Variants in STK3 observed in about 807,000 individuals in gnomAD.
The protein encoded by STK3 is serine/threonine-protein kinase 3.
Under a neutral mutation model 58.0 loss-of-function variants are expected in STK3, and 41 were observed. That is an observed-to-expected ratio of 0.71 (90% CI 0.55 to 0.92). STK3 has a LOEUF of 0.92. Among genes scored for constraint, STK3 ranks in the 40% least tolerant of loss-of-function variants. The pLI, the probability that STK3 is intolerant of heterozygous loss-of-function variation, is 0.00. For missense variants in STK3, 479 were observed against 602.7 expected, an observed-to-expected ratio of 0.79 and a Z score of 2.15; for synonymous variants, 170 against 191.0, an observed-to-expected ratio of 0.89 and a Z score of 0.91.
intron 4 of STK3, among the ~76,000 whole-genome samples, chr8:98,732,241 G>T (rs1272618481): frequency 6.6e-6 from 1 of 152,106 alleles, no homozygotes; most frequent in Non-Finnish European, 1.5e-5. Flanking sequence ...CAAAGCTGAA[G>T]ACAGACAATT....
At chr8:98,714,685 A>G (rs990993839) in intron 4 of STK3, among the ~76,000 whole-genome samples, 16 of 152,236 alleles carry the variant, frequency 1.1e-4, no homozygotes, top group African/African-American at 3.9e-4. Flanking sequence ...AAGAATCAAT[A>G]TCGTGAAAAT....
At chr8:98,355,768 A>C in the STK3 span, among the ~76,000 whole-genome samples, 1 of 152,340 alleles carries the variant, frequency 6.6e-6, no homozygotes, top group South Asian at 2.1e-4. Flanking sequence ...GATGGATGTA[A>C]TACCCATCAA....
chr8:98,565,700 G>A (rs923227294), intron 8 of STK3, among the ~76,000 whole-genome samples: 11 of 152,116 alleles, frequency 7.2e-5, no homozygotes, highest in Admixed American at 2.6e-4. Context: ...ACAACAAAAT[G>A]TTGCATTTTG....
chr8:98,940,372 C>A (rs979338102), intron 1 of STK3, among the ~76,000 whole-genome samples: 4 of 152,196 alleles, frequency 2.6e-5, no homozygotes, highest in African/African-American at 9.6e-5. Context: ...CCGGGCTGGA[C>A]CTGGGCTCAA....
rs1819386797 is a variant in STK3, at chr8:98,454,974, T to A, written c.*868A>T. 1 of 152,326 alleles carries A rather than the reference T, an allele frequency of 6.6e-6. No homozygotes were observed. The highest frequency in any genetic ancestry group is 2.4e-5 in the African/African-American group (1 of 41,408). 9.4% of individuals were successfully genotyped at this position (152,326 alleles called of 1,614,324 possible). A position where few individuals can be genotyped will look rare whatever the true frequency, so the allele number is the denominator to read the frequency against. On this transcript the variant is annotated 3_prime_UTR_variant, in exon 11 of 11. Coordinates refer to ENST00000419617, the MANE Select transcript of STK3 (RefSeq NM_006281.4). ...TTTCATAGAAATGAAATTGATGAGC[T>A]TATTACAGTTTGAATCAGTTCAGCT...
At chr8:98,714,228 G>A (rs1826798822) in intron 4 of STK3, among the ~76,000 whole-genome samples, 1 of 152,202 alleles carries the variant, frequency 6.6e-6, no homozygotes, top group African/African-American at 2.4e-5. Flanking sequence ...ACAAGACAGG[G>A]ATGCCCTCTC....
chr8:98,631,610 C>T (rs1819240323), intron 6 of STK3, among the ~76,000 whole-genome samples: 1 of 152,104 alleles, frequency 6.6e-6, no homozygotes, highest in Admixed American at 6.6e-5. Context: ...TCCCTCTTAT[C>T]CTGCTTTTTC....
intron 8 of STK3, among the ~76,000 whole-genome samples, chr8:98,558,884 T>G (rs1311043464): frequency 6.6e-6 from 1 of 152,104 alleles, no homozygotes; most frequent in African/African-American, 2.4e-5. Context: ...TAAAATAATT[T>G]TAGAAAATTT....
At chr8:98,390,193 C>A (rs1221033702), upstream of STK3, among the ~76,000 whole-genome samples, 3 of 152,158 alleles carry the variant, frequency 2.0e-5, no homozygotes, top group African/African-American at 7.2e-5. Context: ...CTTAGCAATT[C>A]TTTTTGAGCA....
intron 2 of STK3, among the ~76,000 whole-genome samples, chr8:98,771,841 C>T (rs1056583597): frequency 2.0e-5 from 3 of 152,204 alleles, no homozygotes; most frequent in Non-Finnish European, 4.4e-5. Flanking sequence ...CCCACCTCGG[C>T]CTCCCAAAAT....
intron 6 of STK3, among the ~76,000 whole-genome samples, chr8:98,701,257 G>A (rs118095469): frequency 0.014 from 2,047 of 147,942 alleles, 24 homozygotes; most frequent in Non-Finnish European, 0.022. Context: ...AAGAGGGAAG[G>A]AAGGACGGAA....
intron 10 of STK3, among the ~76,000 whole-genome samples, chr8:98,513,521 G>A (rs1183812259): frequency 1.3e-5 from 2 of 152,180 alleles, no homozygotes; most frequent in African/African-American, 2.4e-5. Context: ...CTGCTGAAGT[G>A]TTCATAGATG....
intron 6 of STK3, chr8:98,597,927 G>A (rs1563787068): frequency 1.0e-6 from 1 of 985,024 alleles, no homozygotes; most frequent in Non-Finnish European, 1.2e-6. Context: ...CTCCACAGTT[G>A]AGGCAGAACC....
intron 10 of STK3, among the ~76,000 whole-genome samples, chr8:98,461,608 A>G (rs1336573727): frequency 6.6e-6 from 1 of 152,186 alleles, no homozygotes; most frequent in East Asian, 1.9e-4. Flanking sequence ...AAGAGGTTCT[A>G]TTCTGGTGCA....
intron 3 of STK3, among the ~76,000 whole-genome samples, chr8:98,855,644 G>GA (rs1836639734): frequency 6.6e-6 from 1 of 152,068 alleles, no homozygotes; most frequent in Admixed American, 6.6e-5. Context: ...AGCAACACAA[G>GA]AAAAAATAGA....
intron 3 of STK3, among the ~76,000 whole-genome samples, chr8:98,411,553 A>G (rs1818057664): frequency 6.6e-6 from 1 of 152,238 alleles, no homozygotes; most frequent in Non-Finnish European, 1.5e-5. Context: ...CATCATTAAC[A>G]TCTGAGCACA....
chr8:98,533,106 A>C (rs1826292380), intron 9 of STK3, among the ~76,000 whole-genome samples: 1 of 152,190 alleles, frequency 6.6e-6, no homozygotes. Flanking sequence ...TTTGTCTGTC[A>C]ATGAACACTT....
At position 98,633,811 on chromosome 8, in the gene STK3, C is replaced by CGTAT. The variant is rs1819434036; in HGVS notation, c.685-37643_685-37642insATAC. 3 of 479,916 alleles carry CGTAT rather than the reference C, an allele frequency of 6.3e-6. No individual in the cohort carries two copies. In the South Asian group the frequency reaches 8.1e-5, roughly 13 times the overall value. 29.7% of individuals were successfully genotyped at this position (479,916 alleles called of 1,614,324 possible). On this transcript the variant is annotated intron_variant, in intron 6 of 10. Transcript: ENST00000419617. ...GTGTATGGTAAAGCAGACATGAATA[C>CGTAT]ATTCCCTAACTTCAAATTTGAAGAT...
chr8:98,730,810 A>C (rs567714927), intron 4 of STK3, among the ~76,000 whole-genome samples: 1 of 151,744 alleles, frequency 6.6e-6, no homozygotes, highest in African/African-American at 2.4e-5. Flanking sequence ...TCAGAATACT[A>C]CTCCCAGAGT....
Sources: allele counts gnomAD v4.1 joint callset (sites outside exome capture counted in the v4.1 genomes callset), GRCh38; gene constraint gnomAD v4.1.1; transcripts MANE v1.5; gene names NCBI Gene and HGNC (gene_info 2026-07-23, HGNC 2026-07-21).